Variants in ALKBH8 observed in about 807,000 individuals in gnomAD.
ALKBH8 encodes alkB homolog 8, tRNA methyltransferase, also known as tRNA (carboxymethyluridine(34)-5-O)-methyltransferase ALKBH8.
ALKBH8 carries 36 observed loss-of-function variants against 59.8 expected under a neutral mutation model. That is an observed-to-expected ratio of 0.60 (90% confidence interval 0.46 to 0.79). The LOEUF is 0.79. ALKBH8 is among the 30% of genes least tolerant of loss of function. ALKBH8 has a pLI of 0.00. For missense variants in ALKBH8, 768 were observed against 801.0 expected (o/e 0.96, Z 0.50); for synonymous variants, 276 against 273.6 (o/e 1.01, Z -0.09).
At chr11:107,542,215 C>A (rs1864066467) in intron 7 of ALKBH8, among the ~76,000 whole-genome samples, 1 of 151,908 alleles carries the variant, frequency 6.6e-6, no homozygotes, top group Non-Finnish European at 1.5e-5. Context: ...ATTCAAGAAA[C>A]CTGGTAATTC....
At chr11:107,511,533 G>A (rs1043955889) in intron 10 of ALKBH8, among the ~76,000 whole-genome samples, 3 of 152,066 alleles carry the variant, frequency 2.0e-5, no homozygotes, top group Middle Eastern at 6.8e-3. Flanking sequence ...TTTCAACATG[G>A]ATTACTTTTA....
intron 2 of ALKBH8, among the ~76,000 whole-genome samples, chr11:107,560,087 C>G (rs1004619387): frequency 1.3e-5 from 2 of 152,076 alleles, no homozygotes; most frequent in South Asian, 4.1e-4. Flanking sequence ...CAATACTATG[C>G]CCTGCTTAAA....
In ALKBH8 at chr11:107,504,601, T is replaced by C; in HGVS notation, c.*57A>G. The C allele has an allele frequency of 2.0e-6, 3 of 1,519,582 alleles. No individual in the cohort carries two copies. The highest frequency in any genetic ancestry group is 1.8e-6 in the Non-Finnish European group (2 of 1,125,896). 94.1% of individuals were successfully genotyped at this position (1,519,582 alleles called of 1,614,324 possible). A position where few individuals can be genotyped will look rare whatever the true frequency, so the allele number is the denominator to read the frequency against. ...AATTAAAAGGGTAATTAATTTATTCTCTCTTTTTTTTTAAGTGAGCATTTC... is the reference window on the plus strand; with the variant it reads ...AATTAAAAGGGTAATTAATTTATTCCCTCTTTTTTTTTAAGTGAGCATTTC... On this transcript the variant is annotated 3_prime_UTR_variant, in exon 12 of 12. Coordinates refer to ENST00000428149, the MANE Select transcript of ALKBH8 (RefSeq NM_138775.3).
chr11:107,517,707 A>G (rs1445878560), intron 10 of ALKBH8, among the ~76,000 whole-genome samples: 2 of 152,234 alleles, frequency 1.3e-5, no homozygotes, highest in Non-Finnish European at 2.9e-5. Context: ...GAATCCAAAA[A>G]TGCGACTTCA....
At chr11:107,544,603 G>C (rs562435170) in intron 7 of ALKBH8, among the ~76,000 whole-genome samples, 2 of 152,108 alleles carry the variant, frequency 1.3e-5, no homozygotes, top group Non-Finnish European at 2.9e-5. Flanking sequence ...ATTTATTTCT[G>C]GCCCACAAAC....
At chr11:107,523,602 CTTT>C (rs58698577) in intron 9 of ALKBH8, among the ~76,000 whole-genome samples, 28 of 97,036 alleles carry the variant, frequency 2.9e-4, no homozygotes, top group Admixed American at 3.2e-4. Flanking sequence ...AGAATAAATT[CTTT>C]TTTTTTTTTT....
In ALKBH8 at chr11:107,541,517, A is replaced by G. The variant is rs574888123; in HGVS notation, c.771+8236T>C. 4.6e-5 allele frequency among the ~76,000 whole-genome samples: 7 copies of G among 152,334 alleles called. No homozygotes were observed. The South Asian group carries it at 1.2e-3, about 27-fold the overall frequency. ...ATTTAATTGAATGATGATTAGAACT[A>G]CCATTGGGGGCCTATATTAATTTCT... On this transcript the variant is annotated intron_variant, in intron 7 of 11. Transcript: ENST00000428149.
At position 107,542,374 on chromosome 11, in the gene ALKBH8, C is replaced by CA. The variant is rs544381070; in HGVS notation, c.771+7378dup. 1.6e-3 allele frequency among the ~76,000 whole-genome samples: 238 copies of CA among 152,124 alleles called. 1 individual carries two copies. The highest frequency in any genetic ancestry group is 5.3e-3 in the African/African-American group (219 of 41,504). ...GTAACAAGAGCAATAACATAAGCCA[C>CA]AAAAAAGTAGATGAAATCTTTAGTG... On this transcript the variant is annotated intron_variant, in intron 7 of 11. Transcript: ENST00000428149.
At chr11:107,547,658 A>C (rs946597428) in intron 7 of ALKBH8, among the ~76,000 whole-genome samples, 1 of 74,538 alleles carries the variant, frequency 1.3e-5, no homozygotes, top group Non-Finnish European at 3.6e-5. Context: ...ACTTAAAATT[A>C]TAAGGGTTTT....
At chr11:107,530,699 C>G (rs1008409862) in intron 8 of ALKBH8, among the ~76,000 whole-genome samples, 14 of 150,958 alleles carry the variant, frequency 9.3e-5, no homozygotes, top group African/African-American at 3.4e-4. Flanking sequence ...AAAAATAATA[C>G]TGAGGGTTTT....
intron 7 of ALKBH8, among the ~76,000 whole-genome samples, chr11:107,534,071 A>G (rs1277534967): frequency 3.3e-5 from 5 of 152,156 alleles, no homozygotes; most frequent in Admixed American, 3.3e-4. Context: ...CGGAGGTTGC[A>G]GGGAGCTGAG....
chr11:107,537,674 A>G (rs1863875517), intron 7 of ALKBH8, among the ~76,000 whole-genome samples: 2 of 151,906 alleles, frequency 1.3e-5, no homozygotes, highest in South Asian at 4.2e-4. Flanking sequence ...TATCTATGTA[A>G]CAAACCTGCA....
chr11:107,517,466 C>T (rs986722928), intron 10 of ALKBH8, among the ~76,000 whole-genome samples: 4 of 152,164 alleles, frequency 2.6e-5, no homozygotes, highest in Admixed American at 2.6e-4. Context: ...ATCTGCACTC[C>T]CATGTTTACT....
chr11:107,534,732 C>A (rs1863737037), intron 7 of ALKBH8, among the ~76,000 whole-genome samples: 1 of 150,376 alleles, frequency 6.6e-6, no homozygotes, highest in East Asian at 2.0e-4. Context: ...TTTTCTTTTT[C>A]TGTATCAAAT....
chr11:107,529,738 G>GTGA (rs1565327458), intron 8 of ALKBH8, among the ~76,000 whole-genome samples: 3 of 151,806 alleles, frequency 2.0e-5, no homozygotes, highest in African/African-American at 7.3e-5. Context: ...CTCCTGACCT[G>GTGA]TGATCCACCC....
intron 7 of ALKBH8, among the ~76,000 whole-genome samples, chr11:107,546,437 A>G (rs1303998539): frequency 6.6e-6 from 1 of 152,206 alleles, no homozygotes; most frequent in Admixed American, 6.5e-5. Context: ...AAAGCCTAGT[A>G]GACTTCACAG....
chr11:107,505,680 C>CA (rs1185896831), intron 11 of ALKBH8, among the ~76,000 whole-genome samples: 1 of 152,242 alleles, frequency 6.6e-6, no homozygotes, highest in African/African-American at 2.4e-5. Flanking sequence ...ATACATAAAA[C>CA]AGCTGCTTAA....
rs574567507 is a variant in ALKBH8 at position 107,556,585 on chromosome 11, C to T, written c.367+181G>A. The stretch of plus-strand genomic sequence containing the variant: ...AGGTTGTATCTTATTCACCTCTGTA[C>T]TGTCAACTACTTGTCCCATGCCTGG... On this transcript the variant is annotated intron_variant, in intron 3 of 11. Coordinates refer to ENST00000428149, the MANE Select transcript of ALKBH8 (RefSeq NM_138775.3). 3.3e-5 allele frequency among the ~76,000 whole-genome samples: 5 copies of T among 152,296 alleles called. No homozygotes were observed. In the East Asian group the frequency reaches 5.8e-4, roughly 18 times the overall value.
intron 8 of ALKBH8, among the ~76,000 whole-genome samples, chr11:107,528,452 A>T (rs974904989): frequency 6.6e-6 from 1 of 152,200 alleles, no homozygotes; most frequent in South Asian, 2.1e-4. Flanking sequence ...AGAGGCAAAA[A>T]AAAGCAATCA....
Sources: allele counts gnomAD v4.1 joint callset (sites outside exome capture counted in the v4.1 genomes callset), GRCh38; gene constraint gnomAD v4.1.1; transcripts MANE v1.5; gene names NCBI Gene and HGNC (gene_info 2026-07-23, HGNC 2026-07-21).